The following CYB5A variants were observed in gnomAD, a reference collection of about 807,000 sequenced individuals.
CYB5A encodes the protein cytochrome b5 type A.
Under a neutral mutation model 16.2 loss-of-function variants are expected in CYB5A, and 10 were observed. The ratio of observed to expected loss-of-function variants is 0.62; its 90% CI spans 0.38 to 1.04. The LOEUF is 1.04. Among genes scored for constraint, CYB5A ranks in the 50% least tolerant of loss-of-function variants. The pLI, the probability that CYB5A is intolerant of heterozygous loss-of-function variation, is 0.01. For synonymous variants in CYB5A, 62 were observed against 57.0 expected, an observed-to-expected ratio of 1.09 and a Z score of -0.40; for missense variants, 161 against 165.9, an observed-to-expected ratio of 0.97 and a Z score of 0.16.
At chr18:74,258,205 C>T (rs768494736) in intron 3 of CYB5A, 2 of 152,156 alleles carry the variant, frequency 1.3e-5, no homozygotes, top group Non-Finnish European at 2.9e-5. Flanking sequence ...GGTTCTGGAG[C>T]ACGTCTGTGA....
intron 1 of CYB5A, among the ~76,000 whole-genome samples, chr18:74,265,516 C>G (rs545792745): frequency 3.9e-5 from 6 of 152,304 alleles, no homozygotes; most frequent in African/African-American, 1.4e-4. Flanking sequence ...TCTGGCACAT[C>G]GTTTATGCTC....
chr18:74,284,154 T>C (rs1018847716), intron 1 of CYB5A, among the ~76,000 whole-genome samples: 2 of 149,552 alleles, frequency 1.3e-5, no homozygotes, highest in African/African-American at 5.0e-5. Context: ...TCGCTTGAAC[T>C]TGGGAGGTGG....
intron 4 of CYB5A, 69 bp downstream of exon 4, chr18:74,255,672 G>A (rs990689426): frequency 7.9e-5 from 102 of 1,298,550 alleles, no homozygotes; most frequent in South Asian, 5.0e-4. Flanking sequence ...GGTGGGGGAC[G>A]CACCTTGTCC....
chr18:74,254,401 CAA>C (rs35917281), intron 4 of CYB5A, among the ~76,000 whole-genome samples: 14,200 of 110,558 alleles, frequency 0.13, 744 homozygotes, highest in Admixed American at 0.2. Context: ...CTAAATTCAC[CAA>C]AAAAAAAAAA....
chr18:74,282,403 G>A (rs904893980), intron 1 of CYB5A, among the ~76,000 whole-genome samples: 6 of 152,092 alleles, frequency 3.9e-5, no homozygotes, highest in Non-Finnish European at 5.9e-5. Context: ...CACTGTGTAT[G>A]GAAAAAGGGG....
At chr18:74,273,883 G>A (rs1199006464) in intron 1 of CYB5A, among the ~76,000 whole-genome samples, 1 of 152,126 alleles carries the variant, frequency 6.6e-6, no homozygotes, top group Non-Finnish European at 1.5e-5. Context: ...TTCCACCAAG[G>A]TCACACAAAA....
At chr18:74,269,372 A>G (rs7238927) in intron 1 of CYB5A, among the ~76,000 whole-genome samples, 128,733 of 151,768 alleles carry the variant, frequency 0.85, 54,689 homozygotes, top group Middle Eastern at 0.95. Flanking sequence ...ACACAGGAGC[A>G]CCCTGGGGCT....
At chr18:74,259,994 T>C (rs1386448133) in intron 3 of CYB5A, 1 of 152,232 alleles carries the variant, frequency 6.6e-6, no homozygotes, top group African/African-American at 2.4e-5. Flanking sequence ...ACTTTTATTG[T>C]ACTATCAGGG....
At chr18:74,270,201 C>CACCT (rs1386401174) in intron 1 of CYB5A, among the ~76,000 whole-genome samples, 1 of 151,898 alleles carries the variant, frequency 6.6e-6, no homozygotes, top group Non-Finnish European at 1.5e-5. Context: ...TTTCATCCAT[C>CACCT]ACCTCACTTA....
intron 3 of CYB5A, chr18:74,256,944 T>C (rs2145038567): frequency 8.9e-7 from 1 of 1,125,454 alleles, no homozygotes. Flanking sequence ...TTAGCATCTA[T>C]AAAAAGTATT....
chr18:74,266,750 C>CA (rs71168468), intron 1 of CYB5A, among the ~76,000 whole-genome samples: 38 of 141,976 alleles, frequency 2.7e-4, no homozygotes, highest in East Asian at 4.2e-4. Flanking sequence ...AATTTTCTAA[C>CA]AAAAAAAAAA....
chr18:74,283,082 A>G (rs1353189228), intron 1 of CYB5A, among the ~76,000 whole-genome samples: 1 of 152,172 alleles, frequency 6.6e-6, no homozygotes. Context: ...GCAAAGATAC[A>G]AGAGAGGCCA....
At chr18:74,263,593 A>G in intron 1 of CYB5A, 116 bp from the exon 2 acceptor site, 1 of 768,638 alleles carries the variant, frequency 1.3e-6, no homozygotes, top group South Asian at 1.4e-5. Flanking sequence ...AGATGACAAC[A>G]GGAGACTAAC....
chr18:74,286,102 C>G (rs1305719043), intron 1 of CYB5A, among the ~76,000 whole-genome samples: 1 of 152,202 alleles, frequency 6.6e-6, no homozygotes, highest in Admixed American at 6.5e-5. Context: ...GAGCACATTT[C>G]CATGGATGTA....
intron 1 of CYB5A, among the ~76,000 whole-genome samples, chr18:74,274,681 G>A (rs185977964): frequency 3.9e-5 from 6 of 152,246 alleles, no homozygotes; most frequent in African/African-American, 1.4e-4. Context: ...AAGTAAAAAT[G>A]GGTATACACT....
intron 1 of CYB5A, among the ~76,000 whole-genome samples, chr18:74,286,805 T>C (rs983715891): frequency 1.2e-4 from 18 of 152,218 alleles, no homozygotes; most frequent in African/African-American, 4.3e-4. Flanking sequence ...AAATTGTGCA[T>C]GTTATTTATT....
chr18:74,266,519 A>G (rs1304465393), intron 1 of CYB5A, among the ~76,000 whole-genome samples: 2 of 152,246 alleles, frequency 1.3e-5, no homozygotes, highest in Non-Finnish European at 2.9e-5. Context: ...TTGCAGACTT[A>G]GACAAGTTTT....
At chr18:74,277,385 T>C (rs1288950040) in intron 1 of CYB5A, among the ~76,000 whole-genome samples, 1 of 152,176 alleles carries the variant, frequency 6.6e-6, no homozygotes, top group African/African-American at 2.4e-5. Context: ...TAAGCCTTGA[T>C]GGAATTACTT....
At chr18:74,271,388 C>T (rs920565275) in intron 1 of CYB5A, among the ~76,000 whole-genome samples, 57 of 152,152 alleles carry the variant, frequency 3.7e-4, no homozygotes, top group African/African-American at 1.4e-3. Flanking sequence ...AGTGACTTTC[C>T]CTGAGGGCAG....
Sources: allele counts gnomAD v4.1 joint callset (sites outside exome capture counted in the v4.1 genomes callset), GRCh38; gene constraint gnomAD v4.1.1; transcripts MANE v1.5; gene names NCBI Gene and HGNC (gene_info 2026-07-23, HGNC 2026-07-21).